Variants in USP46 observed in about 807,000 individuals in gnomAD.
USP46 encodes the protein ubiquitin carboxyl-terminal hydrolase 46.
USP46 carries 12 observed loss-of-function variants against 44.4 expected under a neutral mutation model. The ratio of observed to expected loss-of-function variants is 0.27; its 90% CI spans 0.17 to 0.44. The LOEUF is 0.44. USP46 is among the 20% of genes least tolerant of loss of function. The probability of loss-of-function intolerance (pLI) is 1.00; values close to 1 mark genes in which losing one functional copy is unlikely to be tolerated. For missense variants in USP46, 248 were observed against 444.8 expected, an observed-to-expected ratio of 0.56 and a Z score of 3.98; for synonymous variants, 155 against 161.5, an observed-to-expected ratio of 0.96 and a Z score of 0.31.
chr4:52,605,673 C>A (rs2109600185), intron 5 of USP46, among the ~76,000 whole-genome samples: 1 of 152,308 alleles, frequency 6.6e-6, no homozygotes, highest in Middle Eastern at 3.4e-3. Flanking sequence ...ACGGCTCACA[C>A]TTTAACAGAG....
At chr4:52,620,577 A>G (rs768130139) in intron 4 of USP46, among the ~76,000 whole-genome samples, 3 of 152,218 alleles carry the variant, frequency 2.0e-5, no homozygotes, top group Admixed American at 6.5e-5. Flanking sequence ...TTACTGAATA[A>G]AAGAATACTG....
Position 52,610,572 on chromosome 4 carries a change from C to CCA in USP46, c.605_606dup (p.Glu203TrpfsTer11). On this transcript the variant is annotated frameshift_variant, in exon 5 of 9. Coordinates refer to ENST00000441222, the MANE Select transcript of USP46 (RefSeq NM_022832.4). LOFTEE classifies it high-confidence loss of function. Reference sequence around the variant, plus strand: ...CAGTGGGTAATGGATGTATTCTGCTCCACATCAACAGAAAGGTCAAGAAAA... The same window carrying CCA: ...CAGTGGGTAATGGATGTATTCTGCTCCACACATCAACAGAAAGGTCAAGAAAA... The CCA allele has an allele frequency of 6.2e-7, 1 of 1,613,936 alleles. No homozygotes were observed. The highest frequency in any genetic ancestry group is 8.5e-7 in the Non-Finnish European group (1 of 1,179,876).
intron 1 of USP46, among the ~76,000 whole-genome samples, chr4:52,645,031 T>C (rs1465244905): frequency 1.3e-5 from 2 of 151,984 alleles, no homozygotes; most frequent in Non-Finnish European, 2.9e-5. Context: ...CACTCCAGCC[T>C]GGGTGACAGA....
At position 52,659,229 on chromosome 4, in the gene USP46, G is replaced by A. The variant is rs1045095786; in HGVS notation, c.-79C>T. 3.5e-4 allele frequency: 503 copies of A among 1,449,048 alleles called. 1 individual carries two copies. The highest frequency in any genetic ancestry group is 4.3e-4 in the Non-Finnish European group (472 of 1,092,488). 89.8% of individuals were successfully genotyped at this position (1,449,048 alleles called of 1,614,324 possible). A position where few individuals can be genotyped will look rare whatever the true frequency, so the allele number is the denominator to read the frequency against. ...GACTGCCCATGGTGGCGCGCTGGCG[G>A]GGAGGCCGGGCGGCAGCGCGGCGGC... is the stretch of plus-strand genomic sequence containing the variant. On this transcript the variant is annotated 5_prime_UTR_variant, in exon 1 of 9. Transcript: ENST00000441222. The surrounding 1 kb of genome is among the most constrained non-coding windows in gnomAD (Gnocchi z 4.2).
At chr4:52,646,428 T>C (rs938801668) in intron 1 of USP46, among the ~76,000 whole-genome samples, 2 of 152,166 alleles carry the variant, frequency 1.3e-5, no homozygotes, top group Admixed American at 6.5e-5. Flanking sequence ...AGAGTAGCAA[T>C]GGGAGAAAAA....
intron 1 of USP46, among the ~76,000 whole-genome samples, chr4:52,632,976 G>GAAAGAAAGAAAGAAAGA (rs1717937165): frequency 1.3e-5 from 1 of 76,732 alleles, no homozygotes; most frequent in Non-Finnish European, 2.5e-5. Flanking sequence ...AAGAAAGAAA[G>GAAAGAAAGAAAGAAAGA]AAAGAAAGAA....
intron 5 of USP46, among the ~76,000 whole-genome samples, chr4:52,607,096 C>T (rs750151615): frequency 6.6e-6 from 1 of 152,128 alleles, no homozygotes; most frequent in East Asian, 1.9e-4. Flanking sequence ...AGGCCAGCAA[C>T]AAATAAGGAA....
chr4:52,656,000 T>C (rs78569753), intron 1 of USP46, among the ~76,000 whole-genome samples: 2,518 of 152,324 alleles, frequency 0.017, 67 homozygotes, highest in African/African-American at 0.056. Context: ...TGCTACAAAT[T>C]TGATTTCTGC....
chr4:52,608,437 G>A (rs1052504301), intron 5 of USP46, among the ~76,000 whole-genome samples: 2 of 152,338 alleles, frequency 1.3e-5, no homozygotes, highest in East Asian at 1.9e-4. Flanking sequence ...ACGAGGCTGC[G>A]CCTATGGCTG....
intron 1 of USP46, among the ~76,000 whole-genome samples, chr4:52,651,957 A>C (rs545372108): frequency 6.6e-6 from 1 of 152,124 alleles, no homozygotes; most frequent in African/African-American, 2.4e-5. Flanking sequence ...TGCATCTTCC[A>C]ATCCATCCCT....
At chr4:52,632,990 A>AAAGAAAGAAAGAAAGAAAGGAAAAG in intron 1 of USP46, among the ~76,000 whole-genome samples, 1 of 66,346 alleles carries the variant, frequency 1.5e-5, no homozygotes, top group East Asian at 4.2e-4. Context: ...GAAAGAAAAG[A>AAAGAAAGAAAGAAAGAAAGGAAAAG]AAAGAAAGAA....
chr4:52,642,891 T>G (rs1006811727), intron 1 of USP46, among the ~76,000 whole-genome samples: 1 of 152,154 alleles, frequency 6.6e-6, no homozygotes, highest in Non-Finnish European at 1.5e-5. Context: ...ACTAAATACT[T>G]GGATAGATAC....
chr4:52,626,183 A>G lies in USP46; in HGVS notation c.396T>C (p.Ile132=). Residue 132 remains isoleucine (I), a synonymous_variant, in exon 4 of 9, where the codon ATT becomes ATC. Coordinates refer to ENST00000441222, the MANE Select transcript of USP46 (RefSeq NM_022832.4). The part of the protein sequence containing the change: ...HEFLNYLLNT[I]ADILQEEKKQ... ...TCTTCTCCTCCTGAAGGATGTCCGC[A>G]ATAGTGTTTAGCAAATAATTTAAAA... The G allele has an allele frequency of 6.2e-7, 1 of 1,613,864 alleles. No homozygotes were observed. The highest frequency in any genetic ancestry group is 8.5e-7 in the Non-Finnish European group (1 of 1,179,852).
chr4:52,609,499 A>G (rs774001720), intron 5 of USP46, among the ~76,000 whole-genome samples: 11 of 152,134 alleles, frequency 7.2e-5, no homozygotes, highest in Non-Finnish European at 1.3e-4. Flanking sequence ...TAACGACTCC[A>G]CTGGCATTAT....
At position 52,647,677 on chromosome 4, in the gene USP46, T is replaced by C. The variant is rs530359348; in HGVS notation, c.36+11438A>G. Among the ~76,000 whole-genome samples, 5 of 152,296 alleles carry C rather than the reference T, an allele frequency of 3.3e-5. No homozygotes were observed. In the South Asian group the frequency reaches 1.0e-3, roughly 32 times the overall value. Reference sequence around the variant, plus strand: ...ACCAGCATGTGTCTTCCAATGGCATTTTTGTCAGAAATCATAGCTTCTTCC... The same window carrying C: ...ACCAGCATGTGTCTTCCAATGGCATCTTTGTCAGAAATCATAGCTTCTTCC... On this transcript the variant is annotated intron_variant, in intron 1 of 8. Coordinates refer to ENST00000441222, the MANE Select transcript of USP46 (RefSeq NM_022832.4).
At chr4:52,651,361 T>C (rs927783577) in intron 1 of USP46, among the ~76,000 whole-genome samples, 1 of 152,056 alleles carries the variant, frequency 6.6e-6, no homozygotes, top group African/African-American at 2.4e-5. Flanking sequence ...AACTAAGACC[T>C]ACTTAATCAA....
chr4:52,597,848 T>C, intron 8 of USP46, 107 bp from the exon 9 acceptor site: 1 of 824,988 alleles, frequency 1.2e-6, no homozygotes, highest in Non-Finnish European at 1.8e-6. Flanking sequence ...CACAATTTGT[T>C]ATGAAATCAT....
At chr4:52,627,880 T>C in intron 3 of USP46, 70 bp downstream of exon 3, 2 of 1,471,492 alleles carry the variant, frequency 1.4e-6, no homozygotes, top group Non-Finnish European at 1.8e-6. Flanking sequence ...CTCTTCCTTT[T>C]GAGGAGATAC....
rs1247369434 is a variant in USP46 at position 52,602,066 on chromosome 4, A to G, written c.723-12T>C. The G allele has an allele frequency of 6.2e-7, 1 of 1,607,418 alleles. No homozygotes were observed. Among genetic ancestry groups the G allele is most frequent in the Admixed American group, 1.7e-5 (1 of 59,300 alleles). On this transcript the variant is annotated splice_polypyrimidine_tract_variant and intron_variant, in intron 6 of 8. Transcript: ENST00000441222. ...TTTTTACCCTCATCCTAAGAAACCA[A>G]GAAATAGAAAATCAGTTGTACCCAA...
Sources: allele counts gnomAD v4.1 joint callset (sites outside exome capture counted in the v4.1 genomes callset), GRCh38; gene constraint gnomAD v4.1.1; non-coding constraint Gnocchi (gnomAD v3.1); transcripts MANE v1.5; gene names NCBI Gene and HGNC (gene_info 2026-07-23, HGNC 2026-07-21).